Variants in MIR2052HG observed in about 807,000 individuals in gnomAD.
MIR2052HG encodes MIR2052 host gene.
At chr8:74,703,088 A>G in intron 3 of MIR2052HG, among the ~76,000 whole-genome samples, 1 of 151,998 alleles carries the variant, frequency 6.6e-6, no homozygotes, top group Non-Finnish European at 1.5e-5. Flanking sequence ...GAAGTCACAT[A>G]AGAATATTCA....
chr8:74,731,837 C>G (rs1253319412), intron 4 of MIR2052HG, among the ~76,000 whole-genome samples: 1 of 152,034 alleles, frequency 6.6e-6, no homozygotes, highest in Non-Finnish European at 1.5e-5. Flanking sequence ...TGGGCATACT[C>G]CACATTCTAT....
intron 2 of MIR2052HG, among the ~76,000 whole-genome samples, chr8:74,656,513 T>C (rs976370552): frequency 6.6e-6 from 1 of 152,202 alleles, no homozygotes; most frequent in African/African-American, 2.4e-5. Context: ...AGCTTCTTGC[T>C]CATTTTCTTT....
chr8:74,646,277 A>C (rs1396106462), intron 2 of MIR2052HG, among the ~76,000 whole-genome samples: 3 of 152,214 alleles, frequency 2.0e-5, no homozygotes, highest in South Asian at 4.1e-4. Context: ...AGTCTTTATA[A>C]GAGTTCTCTG....
intron 4 of MIR2052HG, among the ~76,000 whole-genome samples, chr8:74,740,338 C>T (rs1011518532): frequency 6.6e-6 from 1 of 152,082 alleles, no homozygotes; most frequent in Admixed American, 6.6e-5. Context: ...GTGGCATGCT[C>T]CTATAATCCC....
intron 4 of MIR2052HG, among the ~76,000 whole-genome samples, chr8:74,738,082 CTATG>C (rs530925842): frequency 2.2e-4 from 34 of 151,340 alleles, no homozygotes; most frequent in Middle Eastern, 3.4e-3. Flanking sequence ...TATGTATGAT[CTATG>C]TATGTATGTA....
chr8:74,726,393 T>C (rs1289431526), intron 4 of MIR2052HG, among the ~76,000 whole-genome samples: 3 of 152,170 alleles, frequency 2.0e-5, no homozygotes, highest in Non-Finnish European at 4.4e-5. Flanking sequence ...ATCTAAAACA[T>C]TGTTTCTAAA....
chr8:74,608,185 T>G (rs555836310), intron 1 of MIR2052HG, among the ~76,000 whole-genome samples: 46 of 152,316 alleles, frequency 3.0e-4, no homozygotes, highest in Middle Eastern at 6.8e-3. Flanking sequence ...TTTCGGTGGG[T>G]GAGAGTTCTG....
chr8:74,704,770 T>G (rs572184307), intron 4 of MIR2052HG, among the ~76,000 whole-genome samples: 6 of 152,104 alleles, frequency 3.9e-5, no homozygotes, highest in Non-Finnish European at 5.9e-5. Flanking sequence ...TTTGACTTGA[T>G]AAACATTTCA....
At chr8:74,606,325 G>A (rs112271672) in intron 1 of MIR2052HG, among the ~76,000 whole-genome samples, 1 of 152,088 alleles carries the variant, frequency 6.6e-6, no homozygotes, top group African/African-American at 2.4e-5. Context: ...GATGGAGTCT[G>A]TCTGGCTCTC....
chr8:74,622,766 C>T (rs146291477), intron 2 of MIR2052HG, among the ~76,000 whole-genome samples: 2 of 151,136 alleles, frequency 1.3e-5, no homozygotes, highest in Non-Finnish European at 2.9e-5. Context: ...GGGGAAAAAA[C>T]GAGGCACACT....
intron 2 of MIR2052HG, among the ~76,000 whole-genome samples, chr8:74,673,686 C>T (rs1206918493): frequency 6.6e-6 from 1 of 151,658 alleles, no homozygotes; most frequent in East Asian, 1.9e-4. Context: ...TATTGTAGTT[C>T]ATTCATATTT....
chr8:74,747,231 G>A (rs1398438180), intron 4 of MIR2052HG, among the ~76,000 whole-genome samples: 1 of 152,116 alleles, frequency 6.6e-6, no homozygotes, highest in Non-Finnish European at 1.5e-5. Flanking sequence ...CTATGTCTTA[G>A]GCTTCTCATT....
intron 2 of MIR2052HG, among the ~76,000 whole-genome samples, chr8:74,665,751 A>G (rs1294674167): frequency 6.6e-6 from 1 of 152,032 alleles, no homozygotes; most frequent in East Asian, 1.9e-4. Context: ...CCCCACTCAA[A>G]TCTCATTTTG....
chr8:74,611,415 T>TA (rs1293173692), intron 1 of MIR2052HG, among the ~76,000 whole-genome samples: 3 of 152,140 alleles, frequency 2.0e-5, no homozygotes, highest in Non-Finnish European at 4.4e-5. Flanking sequence ...TGGCGATTTT[T>TA]AAAAAAATTA....
chr8:74,700,184 A>G (rs902785185), intron 2 of MIR2052HG, among the ~76,000 whole-genome samples: 5 of 152,220 alleles, frequency 3.3e-5, no homozygotes, highest in Admixed American at 2.6e-4. Context: ...GTATGAGCAC[A>G]TGCTGTGCTG....
intron 2 of MIR2052HG, among the ~76,000 whole-genome samples, chr8:74,695,968 AT>A (rs1411974789): frequency 6.6e-6 from 1 of 152,160 alleles, no homozygotes; most frequent in African/African-American, 2.4e-5. Flanking sequence ...CCTAGAACAA[AT>A]TAACTTAACA....
intron 2 of MIR2052HG, among the ~76,000 whole-genome samples, chr8:74,674,780 C>T (rs936128034): frequency 6.6e-6 from 1 of 151,752 alleles, no homozygotes; most frequent in African/African-American, 2.4e-5. Context: ...TCAATAAGAA[C>T]CTGTTAATTA....
intron 4 of MIR2052HG, among the ~76,000 whole-genome samples, chr8:74,732,594 T>C (rs1177499594): frequency 6.6e-6 from 1 of 152,180 alleles, no homozygotes; most frequent in African/African-American, 2.4e-5. Context: ...AGTAATATAA[T>C]GCTCAGTAAA....
intron 4 of MIR2052HG, among the ~76,000 whole-genome samples, chr8:74,734,679 G>A (rs370381395): frequency 2.6e-5 from 4 of 152,218 alleles, no homozygotes; most frequent in Non-Finnish European, 4.4e-5. Flanking sequence ...GTGCTGGCAC[G>A]GTGACACCCA....
Sources: gnomAD v4.1 joint callset for allele counts (sites outside exome capture counted in the v4.1 genomes callset) on GRCh38, gnomAD v4.1.1 for gene constraint, MANE v1.5 for transcripts, NCBI Gene and HGNC (gene_info 2026-07-23, HGNC 2026-07-21) for gene names.